Variants in IFI16 observed in about 807,000 individuals in gnomAD.
The protein encoded by IFI16 is gamma-interferon-inducible protein 16.
A neutral mutation model predicts 68.4 loss-of-function variants in IFI16; 49 were observed. The ratio of observed to expected loss-of-function variants is 0.72; its 90% confidence interval spans 0.57 to 0.91. IFI16 has a LOEUF of 0.91. Among genes scored for constraint, IFI16 ranks in the 40% least tolerant of loss-of-function variants. IFI16 has a pLI of 0.00. For synonymous variants in IFI16, 307 were observed against 315.0 expected (o/e 0.97, Z 0.27); for missense variants, 878 against 942.9 (o/e 0.93, Z 0.90).
intron 7 of IFI16, among the ~76,000 whole-genome samples, chr1:159,035,888 G>T (rs1044367502): frequency 6.6e-6 from 1 of 152,016 alleles, no homozygotes; most frequent in Admixed American, 6.6e-5. Flanking sequence ...TTCAACCAAA[G>T]ATTACATTTC....
intron 7 of IFI16, among the ~76,000 whole-genome samples, chr1:159,041,422 C>T (rs999694146): frequency 6.6e-6 from 1 of 152,122 alleles, no homozygotes; most frequent in African/African-American, 2.4e-5. Context: ...TGAGAGGATC[C>T]TCGCAGCAAA....
chr1:159,010,754 C>T (rs901517088), intron 1 of IFI16, among the ~76,000 whole-genome samples: 16 of 152,108 alleles, frequency 1.1e-4, no homozygotes, highest in Middle Eastern at 6.8e-3. Context: ...CGGGTGCTAG[C>T]GGCAGAATTT....
At chr1:159,048,468 A>G (rs908572748) in intron 8 of IFI16, among the ~76,000 whole-genome samples, 1 of 151,534 alleles carries the variant, frequency 6.6e-6, no homozygotes, top group African/African-American at 2.4e-5. Context: ...ACCTTTAATG[A>G]GCATAGACTG....
upstream of IFI16, among the ~76,000 whole-genome samples, chr1:159,007,822 G>A (rs1652315589): frequency 1.3e-5 from 2 of 152,170 alleles, no homozygotes; most frequent in Non-Finnish European, 2.9e-5. Context: ...GGAACCCTCA[G>A]CATCCAGAAG....
chr1:159,018,694 C>G, intron 5 of IFI16, 43 bp downstream of exon 5: 1 of 1,374,812 alleles, frequency 7.3e-7, no homozygotes, highest in South Asian at 1.3e-5. Context: ...CCACCAACAC[C>G]TGAAATTAAA....
At chr1:159,040,150 G>C (rs1329236782) in intron 7 of IFI16, among the ~76,000 whole-genome samples, 2 of 152,174 alleles carry the variant, frequency 1.3e-5, no homozygotes, top group African/African-American at 2.4e-5. Flanking sequence ...GTAAATTAGG[G>C]AACATGATGT....
Position 159,046,905 on chromosome 1 carries a change from G to A in IFI16, c.1497+1441G>A, listed in dbSNP as rs542643843. ...CTTCCCTACTCAGCAATAAATGTAG[G>A]TTATAGATACCCTTTCCTAGGAGAA... On this transcript the variant is annotated intron_variant, in intron 8 of 11. Coordinates refer to ENST00000295809, the MANE Select transcript of IFI16 (RefSeq NM_001376587.1). Among the ~76,000 whole-genome samples the A allele has an allele frequency of 8.7e-4, 132 of 151,356 alleles. 6 individuals carry two copies. The highest frequency in any genetic ancestry group is 1.5e-3 in the Non-Finnish European group (99 of 67,610).
chr1:159,026,298 CTTT>C (rs58483921), intron 6 of IFI16, among the ~76,000 whole-genome samples: 13 of 115,008 alleles, frequency 1.1e-4, no homozygotes, highest in South Asian at 2.9e-4. Flanking sequence ...TTATTTCTTT[CTTT>C]TTTTTTTTTT....
At chr1:159,014,967 C>G (rs1652831109) in intron 2 of IFI16, 22 bp downstream of exon 2, 1 of 1,579,664 alleles carries the variant, frequency 6.3e-7, no homozygotes, top group Non-Finnish European at 8.6e-7. Context: ...GAGGGAACAC[C>G]CACTCCCTGC....
chr1:159,027,203 T>A (rs561831247), intron 6 of IFI16, among the ~76,000 whole-genome samples: 5 of 152,332 alleles, frequency 3.3e-5, no homozygotes, highest in African/African-American at 1.2e-4. Context: ...ATATCACTTC[T>A]ATGCCAATAT....
chr1:159,019,604 G>T (rs1212953177), intron 5 of IFI16, among the ~76,000 whole-genome samples: 1 of 152,040 alleles, frequency 6.6e-6, no homozygotes, highest in East Asian at 1.9e-4. Context: ...GACTACAGGC[G>T]TGTGCCATCA....
chr1:159,027,090 C>G (rs1261161787), intron 6 of IFI16, among the ~76,000 whole-genome samples: 1 of 152,170 alleles, frequency 6.6e-6, no homozygotes, highest in Admixed American at 6.5e-5. Context: ...GAGTAGGCAT[C>G]CTTGTCTTGT....
At chr1:159,001,661 C>T (rs1422356146), upstream of IFI16, among the ~76,000 whole-genome samples, 1 of 152,144 alleles carries the variant, frequency 6.6e-6, no homozygotes, top group African/African-American at 2.4e-5. Flanking sequence ...ACAGTCAACT[C>T]AGCATGTTTC....
upstream of IFI16, among the ~76,000 whole-genome samples, chr1:159,001,290 T>C (rs1366240436): frequency 6.6e-6 from 1 of 152,188 alleles, no homozygotes; most frequent in Non-Finnish European, 1.5e-5. Flanking sequence ...TAGCAACCTA[T>C]ATGGTAGAGG....
At chr1:159,042,858 CCT>C (rs961913423) in intron 7 of IFI16, among the ~76,000 whole-genome samples, 2 of 152,172 alleles carry the variant, frequency 1.3e-5, no homozygotes, top group South Asian at 2.1e-4. Flanking sequence ...GATATCACCC[CCT>C]GTGTTACCTA....
At chr1:159,038,758 A>C (rs767650421) in intron 7 of IFI16, among the ~76,000 whole-genome samples, 2 of 152,206 alleles carry the variant, frequency 1.3e-5, no homozygotes, top group Non-Finnish European at 2.9e-5. Flanking sequence ...CAAGGTATAA[A>C]AAGACAGGTG....
intron 7 of IFI16, among the ~76,000 whole-genome samples, chr1:159,044,387 A>G (rs1654853637): frequency 6.6e-6 from 1 of 152,170 alleles, no homozygotes; most frequent in East Asian, 1.9e-4. Flanking sequence ...TTGAAAATAC[A>G]GTGTTTTGTT....
At chr1:159,006,829 A>G (rs1652278104), upstream of IFI16, among the ~76,000 whole-genome samples, 1 of 152,162 alleles carries the variant, frequency 6.6e-6, no homozygotes, top group African/African-American at 2.4e-5. Context: ...CAAAAAACAA[A>G]CAAACAAACA....
chr1:159,030,788 A>C (rs1432003210), intron 6 of IFI16, among the ~76,000 whole-genome samples: 3 of 150,098 alleles, frequency 2.0e-5, no homozygotes, highest in Admixed American at 6.6e-5. Context: ...TGGAGCTTTT[A>C]AGAGAGCATC....
Sources: allele counts gnomAD v4.1 joint callset (sites outside exome capture counted in the v4.1 genomes callset), GRCh38; gene constraint gnomAD v4.1.1; transcripts MANE v1.5; gene names NCBI Gene and HGNC (gene_info 2026-07-23, HGNC 2026-07-21).